PDE4D: variants seen among roughly 807,000 people sequenced by gnomAD.
PDE4D encodes the protein 3',5'-cyclic-AMP phosphodiesterase 4D.
A neutral mutation model predicts 87.4 loss-of-function variants in PDE4D; 24 were observed. That is an observed-to-expected ratio of 0.27 (90% confidence interval 0.20 to 0.39). The LOEUF (loss-of-function observed/expected upper bound fraction) is 0.39. PDE4D is among the 10% of genes least tolerant of loss of function. The probability of loss-of-function intolerance (pLI) is 1.00; values close to 1 mark genes in which losing one functional copy is unlikely to be tolerated. For synonymous variants in PDE4D, 384 were observed against 383.2 expected, an observed-to-expected ratio of 1.00 and a Z score of -0.02; for missense variants, 714 against 1,041.0, an observed-to-expected ratio of 0.69 and a Z score of 4.32.
At position 59,576,682 on chromosome 5, in the gene PDE4D, T is replaced by C. The variant is rs533295275; in HGVS notation, c.455+316486A>G. ...TACCTGGTCTCAAAGGCTAGCTTGG[T>C]CTCAGAAAGTTCTTTGAAGCAAAAG... On this transcript the variant is annotated intron_variant, in intron 1 of 14. Coordinates refer to ENST00000340635, the MANE Select transcript of PDE4D (RefSeq NM_001104631.2). Among the ~76,000 whole-genome samples the C allele has an allele frequency of 4.6e-5, 7 of 152,276 alleles. No homozygotes were observed. In the South Asian group the frequency reaches 1.2e-3, roughly 27 times the overall value.
intron 1 of PDE4D, among the ~76,000 whole-genome samples, chr5:60,309,521 T>C (rs1754812640): frequency 6.6e-6 from 1 of 152,208 alleles, no homozygotes; most frequent in Non-Finnish European, 1.5e-5. Context: ...ACACTTAGGC[T>C]TTTTCCCTTC....
chr5:59,840,234 C>CCACA (rs142164308), intron 1 of PDE4D, among the ~76,000 whole-genome samples: 9,460 of 145,028 alleles, frequency 0.065, 588 homozygotes, highest in African/African-American at 0.16. Flanking sequence ...ACGTGCACTG[C>CCACA]CACACACACA....
At chr5:59,656,528 C>T (rs1744390629) in intron 1 of PDE4D, among the ~76,000 whole-genome samples, 1 of 152,172 alleles carries the variant, frequency 6.6e-6, no homozygotes, top group Non-Finnish European at 1.5e-5. Flanking sequence ...TAGCCAATGA[C>T]ACAGATCTGC....
At chr5:60,211,889 G>A (rs1196488397) in intron 1 of PDE4D, among the ~76,000 whole-genome samples, 3 of 152,028 alleles carry the variant, frequency 2.0e-5, no homozygotes, top group Non-Finnish European at 4.4e-5. Flanking sequence ...TATTTCCTGA[G>A]CATGTCTTTA....
intron 1 of PDE4D, among the ~76,000 whole-genome samples, chr5:60,232,870 G>T (rs905579832): frequency 5.3e-5 from 8 of 151,702 alleles, no homozygotes; most frequent in African/African-American, 1.7e-4. Flanking sequence ...TAAATAGTCT[G>T]CAGAAACTAG....
At chr5:59,244,591 TACATATATAC>T (rs1464585530) in intron 1 of PDE4D, among the ~76,000 whole-genome samples, 26 of 149,976 alleles carry the variant, frequency 1.7e-4, no homozygotes, top group South Asian at 6.3e-4. Context: ...CATATATATA[TACATATATAC>T]ACATATATAC....
At chr5:59,435,930 A>G (rs1217020069) in intron 1 of PDE4D, among the ~76,000 whole-genome samples, 1 of 152,304 alleles carries the variant, frequency 6.6e-6, no homozygotes, top group East Asian at 1.9e-4. Flanking sequence ...TTTCTCAGGA[A>G]GCAAGGGATG....
At chr5:59,697,249 T>A (rs1382153458) in intron 1 of PDE4D, among the ~76,000 whole-genome samples, 1 of 152,162 alleles carries the variant, frequency 6.6e-6, no homozygotes, top group East Asian at 1.9e-4. Context: ...TAATAGATAG[T>A]CCCTGAATTT....
chr5:59,246,114 T>A (rs1459251125), intron 1 of PDE4D, among the ~76,000 whole-genome samples: 1 of 151,962 alleles, frequency 6.6e-6, no homozygotes, highest in Non-Finnish European at 1.5e-5. Context: ...TTTTTCCTGA[T>A]GAGTTTTGTT....
intron 1 of PDE4D, among the ~76,000 whole-genome samples, chr5:59,716,154 T>C (rs1322630967): frequency 1.3e-5 from 2 of 152,308 alleles, no homozygotes; most frequent in Admixed American, 6.5e-5. Flanking sequence ...CTCAGTGAGT[T>C]TGGAGCACAG....
chr5:59,281,063 A>C (rs1581742811), intron 1 of PDE4D, among the ~76,000 whole-genome samples: 1 of 152,092 alleles, frequency 6.6e-6, no homozygotes, highest in South Asian at 2.1e-4. Flanking sequence ...ATGGAGAGGG[A>C]TGCAAAATAT....
chr5:59,141,230 T>C (rs1777842129), intron 5 of PDE4D, among the ~76,000 whole-genome samples: 1 of 152,254 alleles, frequency 6.6e-6, no homozygotes, highest in Admixed American at 6.5e-5. Context: ...CAGAGTAATG[T>C]ATACCACTGT....
chr5:59,609,739 TCTGA>T lies in PDE4D; in HGVS notation c.455+283425_455+283428del, dbSNP rs371868578. On this transcript the variant is annotated intron_variant, in intron 1 of 14. Coordinates refer to ENST00000340635, the MANE Select transcript of PDE4D (RefSeq NM_001104631.2). ...TTCTCACTAAAACAGAAAATGGGTC[TCTGA>T]CTAAGAATTCACTCTACAGAAAAAA... is the stretch of plus-strand genomic sequence containing the variant. 9.2e-5 allele frequency among the ~76,000 whole-genome samples: 14 copies of T among 152,294 alleles called. No homozygotes were observed. The East Asian group carries it at 2.5e-3, about 27-fold the overall frequency.
At chr5:60,165,795 G>A (rs1206015602) in intron 2 of PDE4D, among the ~76,000 whole-genome samples, 1 of 150,768 alleles carries the variant, frequency 6.6e-6, no homozygotes, top group African/African-American at 2.4e-5. Context: ...TGGGTCCCTT[G>A]AGGGCAGAAT....
At chr5:60,460,240 G>T in intron 1 of PDE4D, 1 of 1,259,820 alleles carries the variant, frequency 7.9e-7, no homozygotes, top group Non-Finnish European at 1.2e-6. Context: ...CATTTCAGTG[G>T]ACTTTGAAGA....
chr5:60,521,668 CAG>C (rs1751043060), intron 1 of PDE4D: 1 of 151,758 alleles, frequency 6.6e-6, no homozygotes, highest in South Asian at 2.1e-4. Context: ...AAATTATAAA[CAG>C]AGAATAAGGG....
chr5:59,972,558 T>A (rs1268567922), intron 3 of PDE4D, among the ~76,000 whole-genome samples: 1 of 152,092 alleles, frequency 6.6e-6, no homozygotes, highest in East Asian at 1.9e-4. Flanking sequence ...CAATTTGGAG[T>A]CAAAGTTTAA....
At chr5:59,569,084 T>C (rs1583162014) in intron 1 of PDE4D, among the ~76,000 whole-genome samples, 1 of 152,142 alleles carries the variant, frequency 6.6e-6, no homozygotes, top group East Asian at 1.9e-4. Context: ...AGCCTAGAAA[T>C]TTAAAGTAAA....
intron 1 of PDE4D, chr5:59,217,936 T>A: frequency 2.3e-6 from 1 of 438,314 alleles, no homozygotes; most frequent in Non-Finnish European, 4.5e-6. Context: ...AGGCATTTAT[T>A]AAGCACTTAA....
Sources: allele counts gnomAD v4.1 joint callset (sites outside exome capture counted in the v4.1 genomes callset), GRCh38; gene constraint gnomAD v4.1.1; transcripts MANE v1.5; gene names NCBI Gene and HGNC (gene_info 2026-07-23, HGNC 2026-07-21).